TBC1D13: variants seen among roughly 807,000 people sequenced by gnomAD.
The protein encoded by TBC1D13 is epididymis secretory sperm binding protein.
TBC1D13 carries 40 observed loss-of-function variants against 53.6 expected under a neutral mutation model. That is an observed-to-expected ratio of 0.75 (90% CI 0.58 to 0.97). TBC1D13 has a LOEUF of 0.97. TBC1D13 is among the 50% of genes least tolerant of loss of function. The pLI is 0.00. For missense variants in TBC1D13, 377 were observed against 499.4 expected (o/e 0.75, Z 2.34); for synonymous variants, 182 against 197.7 (o/e 0.92, Z 0.67).
chr9:128,795,077 G>T (rs1308167439), intron 6 of TBC1D13, among the ~76,000 whole-genome samples: 4 of 151,056 alleles, frequency 2.6e-5, no homozygotes, highest in Non-Finnish European at 5.9e-5. Flanking sequence ...TTGAGATAGG[G>T]TCTTGCTCTG....
chr9:128,797,063 G>A lies in TBC1D13; in HGVS notation c.392G>A (p.Cys131Tyr). The A allele has an allele frequency of 6.2e-7, 1 of 1,614,054 alleles. No individual in the cohort carries two copies. Among genetic ancestry groups the A allele is most frequent in the Non-Finnish European group, 8.5e-7 (1 of 1,179,966 alleles). Reference sequence around the variant, plus strand: ...CTGTTCCCTCTTGACAGGAGGTTGTGCCCAGACATTTCCTTCTTCCAGAGG... The same window carrying A: ...CTGTTCCCTCTTGACAGGAGGTTGTACCCAGACATTTCCTTCTTCCAGAGG... Reference protein sequence around the residue: ...LQIDKDVRRLCPDISFFQRAT... With the variant: ...LQIDKDVRRLYPDISFFQRAT... The change falls in exon 7 of 12, where the codon TGC becomes TAC. Residue 131 changes from cysteine to tyrosine, a missense_variant. Transcript: ENST00000372648.
chr9:128,808,196 C>T lies in TBC1D13; in HGVS notation c.*317C>T, dbSNP rs936513767. On this transcript the variant is annotated 3_prime_UTR_variant, in exon 12 of 12. Transcript: ENST00000372648. ...GGGCCCCTCCCTGCCTCGGCTCTGC[C>T]GCCCCAGCCTCAGTTCCTGCTTCTG... 12 of 372,632 alleles carry T rather than the reference C, an allele frequency of 3.2e-5. No homozygotes were observed. The highest frequency in any genetic ancestry group is 6.1e-5 in the South Asian group (2 of 32,704). 23.1% of individuals were successfully genotyped at this position (372,632 alleles called of 1,614,324 possible). A position where few individuals can be genotyped will look rare whatever the true frequency, so the allele number is the denominator to read the frequency against.
At position 128,804,032 on chromosome 9, in the gene TBC1D13, G is replaced by C. The variant is rs1351931085; in HGVS notation, c.831G>C (p.Leu277=). 6.2e-7 allele frequency: 1 copy of C among 1,614,064 alleles called. No homozygotes were observed. Among genetic ancestry groups the C allele is most frequent in the Non-Finnish European group, 8.5e-7 (1 of 1,180,030 alleles). Residue 277 remains leucine (L), a synonymous_variant, in exon 9 of 12, where the codon CTG becomes CTC. Transcript: ENST00000372648. ...TCCGGGACAACTTTATCAAGAGCCT[G>C]GATGACTCGCAGTGTGGCATCACCT... The part of the protein sequence containing the change: ...AEIRDNFIKS[L]DDSQCGITYK...
intron 6 of TBC1D13, among the ~76,000 whole-genome samples, chr9:128,795,980 T>C (rs1829622867): frequency 1.3e-5 from 2 of 152,218 alleles, no homozygotes; most frequent in Admixed American, 1.3e-4. Flanking sequence ...AAAAAAAAAG[T>C]ATATATCTAT....
In TBC1D13 at chr9:128,790,790, G is replaced by T. The variant is rs1199818721; in HGVS notation, c.138+15G>T. The T allele has an allele frequency of 6.4e-7, 1 of 1,558,720 alleles. No homozygotes were observed. ...TCTGCTGGAAGGTGGGTGTGCCTGG[G>T]GTGGGGCTTCTGCTCTGCTGAGAGT... On this transcript the variant is annotated intron_variant, in intron 3 of 11. Coordinates refer to ENST00000372648, the MANE Select transcript of TBC1D13 (RefSeq NM_018201.5).
At position 128,803,120 on chromosome 9, in the gene TBC1D13, C is replaced by G; in HGVS notation, c.544-130C>G. 4 of 756,994 alleles carry G rather than the reference C, an allele frequency of 5.3e-6. No individual in the cohort carries two copies. In the East Asian group the frequency reaches 1.1e-4, roughly 20 times the overall value. 46.9% of individuals were successfully genotyped at this position (756,994 alleles called of 1,614,324 possible). A position where few individuals can be genotyped will look rare whatever the true frequency, so the allele number is the denominator to read the frequency against. ...CCAGGCTGGAATGCAATGGTGTAAT[C>G]ACGGCTCACTGCAGCCTCGACCACT... On this transcript the variant is annotated intron_variant, in intron 7 of 11. Coordinates refer to ENST00000372648, the MANE Select transcript of TBC1D13 (RefSeq NM_018201.5).
chr9:128,806,375 C>T, intron 11 of TBC1D13, 64 bp downstream of exon 11: 23 of 1,589,492 alleles, frequency 1.4e-5, no homozygotes, highest in Non-Finnish European at 2.0e-5. Flanking sequence ...GGCACCTGCC[C>T]ACGCCAGCTG....
At chr9:128,798,323 A>C (rs2132542358) in intron 7 of TBC1D13, among the ~76,000 whole-genome samples, 1 of 151,426 alleles carries the variant, frequency 6.6e-6, no homozygotes, top group East Asian at 1.9e-4. Context: ...AGCGGGAGAG[A>C]GCGTGGTGTG....
intron 11 of TBC1D13, 51 bp downstream of exon 11, chr9:128,806,362 C>T: frequency 6.2e-7 from 1 of 1,607,668 alleles, no homozygotes; most frequent in Non-Finnish European, 8.5e-7. Flanking sequence ...CTGGCACTCG[C>T]CAGGCACCTG....
rs1001432002 is a variant in TBC1D13, at chr9:128,809,981, T to G, written c.*2102T>G. The G allele has an allele frequency of 1.3e-5, 2 of 150,522 alleles. No individual in the cohort carries two copies. Among genetic ancestry groups the G allele is most frequent in the East Asian group, 1.9e-4 (1 of 5,182 alleles). 9.3% of individuals were successfully genotyped at this position (150,522 alleles called of 1,614,324 possible). A position where few individuals can be genotyped will look rare whatever the true frequency, so the allele number is the denominator to read the frequency against. ...CCAGCAGACACTGCCCAGGACTCTT[T>G]AGTGCACTCACTCTTGTCTGCCCCC... On this transcript the variant is annotated 3_prime_UTR_variant, in exon 12 of 12. Transcript: ENST00000372648.
chr9:128,789,792 CATAT>C (rs10529215), intron 2 of TBC1D13: 4 of 9,302 alleles, frequency 4.3e-4, no homozygotes, highest in African/African-American at 1.6e-3. Context: ...GAAAATACAC[CATAT>C]ATATATATAT....
chr9:128,805,760 C>A, intron 9 of TBC1D13, 99 bp from the exon 10 acceptor site: 1 of 1,338,106 alleles, frequency 7.5e-7, no homozygotes, highest in Non-Finnish European at 1.0e-6. Context: ...GCATGCTGGG[C>A]CCTGCTGTTC....
rs116558951 is a variant in TBC1D13, at chr9:128,788,745, A to G, written c.97+338A>G. ...AGTTGGGACCTTTTGAGCCCAGGACAGTCTTTCCTCATTCCTTAGCTAGCT... is the reference window on the plus strand; with the variant it reads ...AGTTGGGACCTTTTGAGCCCAGGACGGTCTTTCCTCATTCCTTAGCTAGCT... On this transcript the variant is annotated intron_variant, in intron 2 of 11. Coordinates refer to ENST00000372648, the MANE Select transcript of TBC1D13 (RefSeq NM_018201.5). Among the ~76,000 whole-genome samples, 671 of 152,172 alleles carry G rather than the reference A, an allele frequency of 4.4e-3. 5 individuals carry two copies. Among genetic ancestry groups the G allele is most frequent in the African/African-American group, 0.015 (626 of 41,498 alleles).
chr9:128,795,514 G>C (rs1829614488), intron 6 of TBC1D13, among the ~76,000 whole-genome samples: 1 of 112,928 alleles, frequency 8.9e-6, no homozygotes, highest in African/African-American at 3.5e-5. Context: ...AGGCTGGAGT[G>C]CGGTGGCACG....
chr9:128,804,475 C>T (rs1312242056), intron 9 of TBC1D13, among the ~76,000 whole-genome samples: 1 of 150,436 alleles, frequency 6.6e-6, no homozygotes, highest in Admixed American at 6.6e-5. Flanking sequence ...GGCACAATCT[C>T]GGCTCACTGC....
intron 7 of TBC1D13, among the ~76,000 whole-genome samples, chr9:128,802,995 A>G (rs535096861): frequency 1.2e-4 from 19 of 152,206 alleles, no homozygotes; most frequent in African/African-American, 4.6e-4. Context: ...TTGGCCTCCA[A>G]AAGTGCTGGG....
chr9:128,804,655 C>T (rs1229949024), intron 9 of TBC1D13, among the ~76,000 whole-genome samples: 4 of 151,552 alleles, frequency 2.6e-5, no homozygotes, highest in South Asian at 2.1e-4. Flanking sequence ...GTAATCCACC[C>T]GCCTCGGCCT....
chr9:128,805,545 C>A (rs963611599), intron 9 of TBC1D13, among the ~76,000 whole-genome samples: 3 of 152,116 alleles, frequency 2.0e-5, no homozygotes, highest in African/African-American at 7.2e-5. Flanking sequence ...TCCACAAACC[C>A]AAGGCTATCA....
At chr9:128,799,952 C>G (rs1042181349) in intron 7 of TBC1D13, among the ~76,000 whole-genome samples, 1 of 152,200 alleles carries the variant, frequency 6.6e-6, no homozygotes, top group Non-Finnish European at 1.5e-5. Flanking sequence ...ACCCGGGAGG[C>G]AGAGCTTGCA....
Sources: allele counts gnomAD v4.1 joint callset (sites outside exome capture counted in the v4.1 genomes callset), GRCh38; gene constraint gnomAD v4.1.1; transcripts MANE v1.5; gene names NCBI Gene and HGNC (gene_info 2026-07-23, HGNC 2026-07-21).